The following SESN3 variants were observed in gnomAD, a reference collection of about 807,000 sequenced individuals.
SESN3 encodes sestrin-3.
A neutral mutation model predicts 55.3 loss-of-function variants in SESN3; 21 were observed. The observed-to-expected ratio is 0.38, with a 90% CI of 0.27 to 0.55. The LOEUF is 0.55. SESN3 is among the 20% of genes least tolerant of loss of function. SESN3 has a pLI of 0.76. For missense variants in SESN3, 408 were observed against 604.3 expected (o/e 0.68, Z 3.41); for synonymous variants, 181 against 203.1 (o/e 0.89, Z 0.93).
intron 5 of SESN3, 77 bp from the exon 6 acceptor site, chr11:95,184,671 A>C: frequency 7.4e-7 from 1 of 1,356,484 alleles, no homozygotes; most frequent in Non-Finnish European, 1.0e-6. Flanking sequence ...TCCAAATGTC[A>C]CCTTACTATG....
At chr11:95,217,570 T>C (rs1860782920) in intron 1 of SESN3, among the ~76,000 whole-genome samples, 1 of 151,382 alleles carries the variant, frequency 6.6e-6, no homozygotes, top group Admixed American at 6.6e-5. Flanking sequence ...GAGAATTGCT[T>C]GAACCCGGGA....
At chr11:95,218,647 CTTTTTTTT>C (rs68150878) in intron 1 of SESN3, among the ~76,000 whole-genome samples, 10 of 122,060 alleles carry the variant, frequency 8.2e-5, no homozygotes, top group Non-Finnish European at 1.7e-4. Context: ...GATTTACCCT[CTTTTTTTT>C]TTTTTTTTTT....
chr11:95,176,787 G>GT (rs1321810648), intron 8 of SESN3, among the ~76,000 whole-genome samples: 10 of 152,182 alleles, frequency 6.6e-5, no homozygotes, highest in African/African-American at 2.4e-4. Context: ...TTTTATCGGT[G>GT]TTTATTTTTC....
intron 7 of SESN3, among the ~76,000 whole-genome samples, chr11:95,178,471 C>T (rs972144712): frequency 1.4e-4 from 21 of 152,080 alleles, no homozygotes; most frequent in African/African-American, 4.8e-4. Flanking sequence ...GCAAATACCA[C>T]GTAATAATAG....
rs547730061 is a variant in SESN3, at chr11:95,199,011, A to G, written c.79-5489T>C. Among the ~76,000 whole-genome samples the G allele has an allele frequency of 9.5e-4, 144 of 152,302 alleles. 1 individual carries two copies. The highest frequency in any genetic ancestry group is 1.6e-3 in the Admixed American group (24 of 15,298). ...TAAAACCAACCAATTAATCTTAATA[A>G]CAGAAAAGTTGAGAGATACCATTCT... On this transcript the variant is annotated intron_variant, in intron 1 of 9. Coordinates refer to ENST00000536441, the MANE Select transcript of SESN3 (RefSeq NM_144665.4).
At chr11:95,194,199 C>T (rs577544087) in intron 1 of SESN3, among the ~76,000 whole-genome samples, 1 of 151,406 alleles carries the variant, frequency 6.6e-6, no homozygotes, top group South Asian at 2.1e-4. Flanking sequence ...TTTTAGTATC[C>T]TCATTAAGTG....
rs1339322242 is a variant in SESN3, at chr11:95,230,339, AAG to A, written c.78+442_78+443del. 6.2e-6 allele frequency: 1 copy of A among 161,102 alleles called. No homozygotes were observed. Among genetic ancestry groups the A allele is most frequent in the African/African-American group, 2.4e-5 (1 of 41,588 alleles). The allele number at this position is 161,102 out of a possible 1,614,324, so 10.0% of individuals were successfully genotyped here. On this transcript the variant is annotated intron_variant, in intron 1 of 9. Transcript: ENST00000536441. This position sits in a 1 kb window ranked among gnomAD's most constrained non-coding sequence, Gnocchi z 4.6. ...CCGAATAAACAAAAACAACACTCGC[AAG>A]AGTTAGCCACAGCAAAGAGGGGCCA...
intron 1 of SESN3, among the ~76,000 whole-genome samples, chr11:95,212,173 T>G (rs781773358): frequency 6.6e-6 from 1 of 152,160 alleles, no homozygotes; most frequent in African/African-American, 2.4e-5. Flanking sequence ...TATTTAATAT[T>G]TAACTACCCT....
intron 1 of SESN3, chr11:95,201,431 T>A (rs1029467676): frequency 6.6e-6 from 1 of 152,094 alleles, no homozygotes; most frequent in Non-Finnish European, 1.5e-5. Flanking sequence ...TGAGTTTAAT[T>A]TGCAGTGCAG....
chr11:95,230,706 C>T lies in SESN3; in HGVS notation c.78+77G>A, dbSNP rs186851953. The T allele has an allele frequency of 6.3e-4, 694 of 1,102,500 alleles. 5 individuals are homozygous for T. In the African/African-American group the frequency reaches 9.3e-3, roughly 15 times the overall value. 68.3% of individuals were successfully genotyped at this position (1,102,500 alleles called of 1,614,324 possible). ...ATCCCTCTCAGCCTCCCCCAGTGCG[C>T]GCCCGGGGACGAGCCGCCCGAGCCC... On this transcript the variant is annotated intron_variant, in intron 1 of 9. Transcript: ENST00000536441. This position sits in a 1 kb window ranked among gnomAD's most constrained non-coding sequence, Gnocchi z 4.6.
Position 95,178,709 on chromosome 11 carries a change from C to G in SESN3, c.1056+1G>C. 6.4e-7 allele frequency: 1 copy of G among 1,566,204 alleles called. No individual in the cohort carries two copies. The highest frequency in any genetic ancestry group is 8.8e-7 in the Non-Finnish European group (1 of 1,136,478). ...TTCTCTGAATTAAAGACATATTATA[C>G]CTGAGCTCGGAATGTTGGCAAATGC... On this transcript the variant is annotated splice_donor_variant, in intron 7 of 9. Transcript: ENST00000536441. LOFTEE classifies it high-confidence loss of function.
chr11:95,184,951 A>G (rs1860135946), intron 5 of SESN3, among the ~76,000 whole-genome samples: 1 of 152,026 alleles, frequency 6.6e-6, no homozygotes. Context: ...TTGTTCCAGC[A>G]TCTTATACAT....
At chr11:95,183,890 A>G (rs1027162554) in intron 6 of SESN3, among the ~76,000 whole-genome samples, 2 of 152,144 alleles carry the variant, frequency 1.3e-5, no homozygotes, top group Admixed American at 6.6e-5. Flanking sequence ...CTTTTAACAC[A>G]GGATGAATTC....
rs889460229 is a variant in SESN3 at position 95,230,940 on chromosome 11, T to C, written c.-80A>G. 11 of 906,252 alleles carry C rather than the reference T, an allele frequency of 1.2e-5. No individual in the cohort carries two copies. The highest frequency in any genetic ancestry group is 4.7e-5 in the South Asian group (2 of 42,518). 56.1% of individuals were successfully genotyped at this position (906,252 alleles called of 1,614,324 possible). A position where few individuals can be genotyped will look rare whatever the true frequency, so the allele number is the denominator to read the frequency against. On this transcript the variant is annotated 5_prime_UTR_variant, in exon 1 of 10. Coordinates refer to ENST00000536441, the MANE Select transcript of SESN3 (RefSeq NM_144665.4). This position sits in a 1 kb window ranked among gnomAD's most constrained non-coding sequence, Gnocchi z 4.6. ...CTGCGGCCACTGCAGGGCCGGTCCG[T>C]CCCCCCGCCGCCAGCCGCGATTCCG...
At chr11:95,180,683 G>A (rs996277000) in intron 6 of SESN3, among the ~76,000 whole-genome samples, 22 of 152,126 alleles carry the variant, frequency 1.4e-4, no homozygotes, top group African/African-American at 5.1e-4. Context: ...AATACAATGT[G>A]TAGATGTTTA....
chr11:95,221,487 T>C (rs1048693509), intron 1 of SESN3, among the ~76,000 whole-genome samples: 1 of 152,172 alleles, frequency 6.6e-6, no homozygotes, highest in African/African-American at 2.4e-5. Flanking sequence ...GATGTAAAAA[T>C]AAAATATGTA....
chr11:95,213,897 T>C (rs573067430), intron 1 of SESN3, among the ~76,000 whole-genome samples: 1 of 152,032 alleles, frequency 6.6e-6, no homozygotes, highest in African/African-American at 2.4e-5. Context: ...TTCGGTAACA[T>C]TTCAAAATAC....
chr11:95,196,355 T>C (rs1390744554), intron 1 of SESN3, among the ~76,000 whole-genome samples: 2 of 152,318 alleles, frequency 1.3e-5, no homozygotes, highest in South Asian at 2.1e-4. Context: ...ACACATTTCA[T>C]TCTGAAAATT....
chr11:95,190,543 T>A (rs1422036591), intron 3 of SESN3, among the ~76,000 whole-genome samples: 1 of 151,948 alleles, frequency 6.6e-6, no homozygotes, highest in Non-Finnish European at 1.5e-5. Context: ...ATTCTCTACA[T>A]CTTATTTCTC....
Sources: gnomAD v4.1 joint callset for allele counts (sites outside exome capture counted in the v4.1 genomes callset) on GRCh38, gnomAD v4.1.1 for gene constraint, Gnocchi (gnomAD v3.1) non-coding constraint, MANE v1.5 for transcripts, NCBI Gene and HGNC (gene_info 2026-07-23, HGNC 2026-07-21) for gene names.